A4GALT: variants seen among roughly 807,000 people sequenced by gnomAD.
The protein encoded by A4GALT is alpha 1,4-galactosyltransferase (P1PK blood group).
For synonymous variants in A4GALT, 257 were observed against 220.7 expected (o/e 1.16, Z -1.46); for missense variants, 512 against 486.0 (o/e 1.05, Z -0.50).
intron 1 of A4GALT, among the ~76,000 whole-genome samples, chr22:42,710,018 A>G (rs1921540734): frequency 6.6e-6 from 1 of 152,160 alleles, no homozygotes; most frequent in African/African-American, 2.4e-5. Flanking sequence ...ACAAAATTAT[A>G]TAGATTAACA....
chr22:42,699,247 C>A (rs1439372873), intron 1 of A4GALT, among the ~76,000 whole-genome samples: 1 of 152,064 alleles, frequency 6.6e-6, no homozygotes, highest in Non-Finnish European at 1.5e-5. Context: ...CCATGCCCGG[C>A]TGATTTTTTG....
intron 1 of A4GALT, among the ~76,000 whole-genome samples, chr22:42,702,473 T>A (rs1366211458): frequency 6.6e-6 from 1 of 152,064 alleles, no homozygotes; most frequent in South Asian, 2.1e-4. Context: ...TCCCAAGTAC[T>A]ACAGGAGTGC....
chr22:42,714,933 A>C (rs1052268452), intron 1 of A4GALT, among the ~76,000 whole-genome samples: 3 of 151,886 alleles, frequency 2.0e-5, no homozygotes, highest in Non-Finnish European at 4.4e-5. Context: ...AAGCCAGGGA[A>C]CACACTGTGG....
chr22:42,704,314 C>G (rs973656461), intron 1 of A4GALT, among the ~76,000 whole-genome samples: 10 of 151,898 alleles, frequency 6.6e-5, no homozygotes, highest in African/African-American at 2.4e-4. Flanking sequence ...AACCCCATCT[C>G]TACTAAAAAA....
chr22:42,692,724 G>T lies in A4GALT; in HGVS notation c.*166C>A. 3 of 804,306 alleles carry T rather than the reference G, an allele frequency of 3.7e-6. No individual in the cohort carries two copies. In the South Asian group the frequency reaches 4.4e-5, roughly 12 times the overall value. 49.8% of individuals were successfully genotyped at this position (804,306 alleles called of 1,614,324 possible). ...CTCGAGACAGGACACTGTCCTCGGGGTGTCCACAGCCTCCCACTGGGCCTG... is the reference window on the plus strand; with the variant it reads ...CTCGAGACAGGACACTGTCCTCGGGTTGTCCACAGCCTCCCACTGGGCCTG... On this transcript the variant is annotated 3_prime_UTR_variant, in exon 3 of 3. Transcript: ENST00000642412. The surrounding 1 kb of genome is among the most constrained non-coding windows in gnomAD (Gnocchi z 4.6).
At chr22:42,707,637 CTGAG>C (rs1407709070) in intron 1 of A4GALT, among the ~76,000 whole-genome samples, 1 of 152,116 alleles carries the variant, frequency 6.6e-6, no homozygotes, top group African/African-American at 2.4e-5. Flanking sequence ...CCCTGAATGA[CTGAG>C]TGAGAGACTC....
chr22:42,693,458 C>A lies in A4GALT; in HGVS notation c.494G>T (p.Arg165Leu). 6.2e-7 allele frequency: 1 copy of A among 1,613,130 alleles called. No individual in the cohort carries two copies. Among genetic ancestry groups the A allele is most frequent in the Non-Finnish European group, 8.5e-7 (1 of 1,179,958 alleles). The change falls in exon 3 of 3, where the codon CGC becomes CTC. Residue 165 changes from arginine to leucine, a missense_variant. Arg to Leu is a moderately radical substitution (Grantham distance 102). Transcript: ENST00000642412. ...LADWYAAVQG[R>L]WEPYLLPVLS... is the part of the protein sequence containing the mutation. Reference sequence around the variant, plus strand: ...CACGGGCAGCAGGTAGGGCTCCCAGCGCCCCTGCACGGCCGCGTACCAGTC... The same window carrying A: ...CACGGGCAGCAGGTAGGGCTCCCAGAGCCCCTGCACGGCCGCGTACCAGTC...
chr22:42,696,898 C>T (rs1247506100), intron 1 of A4GALT, among the ~76,000 whole-genome samples: 1 of 151,420 alleles, frequency 6.6e-6, no homozygotes, highest in Non-Finnish European at 1.5e-5. Context: ...GGGTTCTTCT[C>T]TCAGATGCCC....
intron 1 of A4GALT, among the ~76,000 whole-genome samples, chr22:42,703,773 C>T (rs1163696720): frequency 6.6e-6 from 1 of 152,200 alleles, no homozygotes; most frequent in East Asian, 1.9e-4. Context: ...CTGCTGCTAA[C>T]TGCATGGGAT....
At chr22:42,704,752 T>C (rs1920964337) in intron 1 of A4GALT, among the ~76,000 whole-genome samples, 1 of 150,598 alleles carries the variant, frequency 6.6e-6, no homozygotes, top group Non-Finnish European at 1.5e-5. Context: ...TCTACCAAAT[T>C]ATACAAAGCA....
At chr22:42,699,292 C>T (rs563782052) in intron 1 of A4GALT, among the ~76,000 whole-genome samples, 5 of 152,266 alleles carry the variant, frequency 3.3e-5, no homozygotes, top group African/African-American at 9.6e-5. Context: ...ACCAAGTTTG[C>T]CAAGCTAGTC....
intron 1 of A4GALT, among the ~76,000 whole-genome samples, chr22:42,709,067 A>ATATATATATTTTT (rs1180529043): frequency 1.9e-4 from 25 of 128,832 alleles, no homozygotes; most frequent in Admixed American, 3.9e-4. Context: ...ATATATATAT[A>ATATATATATTTTT]TTTTTTTTAA....
At chr22:42,705,557 C>G (rs186421277) in intron 1 of A4GALT, among the ~76,000 whole-genome samples, 2 of 114,112 alleles carry the variant, frequency 1.8e-5, no homozygotes, top group East Asian at 4.7e-4. Flanking sequence ...GAGCTGAGAT[C>G]GTACCACTGC....
chr22:42,697,978 C>T lies in A4GALT; in HGVS notation c.-187-2347G>A, dbSNP rs184970048. ...GAGAGGTGCAGGGCATGGCCGGGCG[C>T]GGTGGCTCACGCCTGTAATCCCGGC... On this transcript the variant is annotated intron_variant, in intron 1 of 2. Coordinates refer to ENST00000642412, the MANE Select transcript of A4GALT (RefSeq NM_017436.7). Among the ~76,000 whole-genome samples the T allele has an allele frequency of 2.9e-3, 437 of 151,420 alleles. 1 individual carries two copies. Among genetic ancestry groups the T allele is most frequent in the Non-Finnish European group, 5.1e-3 (344 of 67,800 alleles).
chr22:42,720,053 C>G lies in A4GALT; in HGVS notation c.-188+744G>C, dbSNP rs971634004. Among the ~76,000 whole-genome samples the G allele has an allele frequency of 1.2e-4, 18 of 152,264 alleles. 3 individuals carry two copies. The highest frequency in any genetic ancestry group is 6.5e-4 in the Admixed American group (10 of 15,302). ...CGCCCTGGCAGTGAAACGGGATGGG[C>G]GCTGGGACCAGGTGCCCCGGCAGAT... is the stretch of plus-strand genomic sequence containing the variant. On this transcript the variant is annotated intron_variant, in intron 1 of 2. Coordinates refer to ENST00000642412, the MANE Select transcript of A4GALT (RefSeq NM_017436.7).
intron 1 of A4GALT, among the ~76,000 whole-genome samples, chr22:42,712,367 T>C (rs1254623423): frequency 2.0e-5 from 3 of 152,174 alleles, no homozygotes; most frequent in African/African-American, 7.2e-5. Flanking sequence ...GGATATCCTG[T>C]TGTGCCAGGC....
At chr22:42,706,316 C>T (rs1481629016) in intron 1 of A4GALT, among the ~76,000 whole-genome samples, 1 of 134,276 alleles carries the variant, frequency 7.4e-6, no homozygotes, top group Admixed American at 8.2e-5. Context: ...GATCACACCA[C>T]TGCACTCCAG....
rs6002904 is a variant in A4GALT, at chr22:42,693,049, G to C, written c.903C>G (p.Pro301=). 0.59 allele frequency: 955,707 copies of C among 1,613,258 alleles called. 286,528 individuals carry two copies. The highest frequency in any genetic ancestry group is 0.83 in the African/African-American group (62,466 of 75,024). The change falls in exon 3 of 3, where the codon CCC becomes CCG. Residue 301 remains proline (P), a synonymous_variant. Coordinates refer to ENST00000642412, the MANE Select transcript of A4GALT (RefSeq NM_017436.7). The part of the protein sequence containing the change: ...DWKKYFEDIN[P]EELPRLLSAT... ...CACTGAGCAGCCGCGGCAGCTCCTC[G>C]GGGTTGATGTCCTCAAAGTACTTCT...
Position 42,693,502 on chromosome 22 carries a change from G to T in A4GALT, c.450C>A (p.Phe150Leu). The change falls in exon 3 of 3, where the codon TTC becomes TTA. Residue 150 changes from phenylalanine to leucine, a missense_variant. By Grantham distance (22) the Phe-to-Leu change is conservative. Coordinates refer to ENST00000642412, the MANE Select transcript of A4GALT (RefSeq NM_017436.7). ...ACCAGTCGGCCAGGGGTGTGTCCCG[G>T]AACAGCTCCCGCAGGTCCAGCGGGA... ...QMLPLDLREL[F>L]RDTPLADWYA... is the part of the protein sequence containing the mutation. 6.2e-7 allele frequency: 1 copy of T among 1,613,204 alleles called. No individual in the cohort carries two copies. Among genetic ancestry groups the T allele is most frequent in the Non-Finnish European group, 8.5e-7 (1 of 1,179,982 alleles).
Sources: gnomAD v4.1 joint callset for allele counts (sites outside exome capture counted in the v4.1 genomes callset) on GRCh38, gnomAD v4.1.1 for gene constraint, Gnocchi (gnomAD v3.1) non-coding constraint, MANE v1.5 for transcripts, NCBI Gene and HGNC (gene_info 2026-07-23, HGNC 2026-07-21) for gene names.